Variants in DYNC2H1 observed in about 807,000 individuals in gnomAD.
The protein encoded by DYNC2H1 is cytoplasmic dynein 2 heavy chain 1.
DYNC2H1 carries 410 observed loss-of-function variants against 570.0 expected under a neutral mutation model. That is an observed-to-expected ratio of 0.72 (90% CI 0.66 to 0.78). DYNC2H1 has a LOEUF of 0.78. Among genes scored for constraint, DYNC2H1 ranks in the 30% least tolerant of loss-of-function variants. The pLI is 0.00. For synonymous variants in DYNC2H1, 1,688 were observed against 1,677.6 expected (o/e 1.01, Z -0.15); for missense variants, 4,865 against 5,046.4 (o/e 0.96, Z 1.09).
At position 103,168,738 on chromosome 11, in the gene DYNC2H1, T is replaced by G. The variant is rs1370531639; in HGVS notation, c.4763-17T>G. 1 of 1,609,050 alleles carries G rather than the reference T, an allele frequency of 6.2e-7. No homozygotes were observed. Among genetic ancestry groups the G allele is most frequent in the Non-Finnish European group, 8.5e-7 (1 of 1,177,678 alleles). On this transcript the variant is annotated splice_polypyrimidine_tract_variant and intron_variant, in intron 31 of 88. Coordinates refer to ENST00000375735, the MANE Select transcript of DYNC2H1 (RefSeq NM_001377.3). Reference sequence around the variant, plus strand: ...CTAACATTTTCTCCAATTGTCAATATTTTTATTTCTGCCTAGAATCGGGCA... The same window carrying G: ...CTAACATTTTCTCCAATTGTCAATAGTTTTATTTCTGCCTAGAATCGGGCA...
chr11:103,430,895 C>T (rs1455426369), intron 84 of DYNC2H1, among the ~76,000 whole-genome samples: 1 of 152,092 alleles, frequency 6.6e-6, no homozygotes, highest in Admixed American at 6.6e-5. Context: ...CAGTGCTTAT[C>T]GCTATTAGGG....
chr11:103,178,831 A>G (rs1861731804), intron 38 of DYNC2H1, among the ~76,000 whole-genome samples, 195 bp from the exon 39 acceptor site: 1 of 152,050 alleles, frequency 6.6e-6, no homozygotes. Flanking sequence ...CCTATTTTGT[A>G]TGTTTATAGA....
At chr11:103,382,483 A>G (rs936946252) in intron 83 of DYNC2H1, among the ~76,000 whole-genome samples, 2 of 152,230 alleles carry the variant, frequency 1.3e-5, no homozygotes, top group African/African-American at 2.4e-5. Flanking sequence ...AACTAAAAAT[A>G]TCTTTAAAAT....
chr11:103,148,010 G>T (rs1469403168), intron 19 of DYNC2H1, 123 bp downstream of exon 19: 1 of 681,682 alleles, frequency 1.5e-6, no homozygotes, highest in African/African-American at 1.8e-5. Context: ...TTTAAAAAAA[G>T]CAGGAAAAGT....
In DYNC2H1 at chr11:103,338,141, C is replaced by T. The variant is rs575532907; in HGVS notation, c.12039+14151C>T. ...TTTGTAGACGACACTGTTCTTTCCT[C>T]AATGTTTGTTCTTGGCACTTATTGA... is the stretch of plus-strand genomic sequence containing the variant. On this transcript the variant is annotated intron_variant, in intron 82 of 88. Transcript: ENST00000375735. Among the ~76,000 whole-genome samples, 5 of 151,336 alleles carry T rather than the reference C, an allele frequency of 3.3e-5. No homozygotes were observed. The East Asian group carries it at 9.7e-4, about 29-fold the overall frequency.
intron 83 of DYNC2H1, among the ~76,000 whole-genome samples, chr11:103,365,414 G>T (rs1052006013): frequency 2.0e-5 from 3 of 151,962 alleles, no homozygotes; most frequent in Non-Finnish European, 2.9e-5. Flanking sequence ...GTAATAGAAG[G>T]TTGCTGGAGA....
At chr11:103,455,599 T>G (rs943452154) in intron 86 of DYNC2H1, among the ~76,000 whole-genome samples, 55 of 152,310 alleles carry the variant, frequency 3.6e-4, no homozygotes, top group African/African-American at 1.2e-3. Context: ...CCTATGTAAA[T>G]GAATTAAAGT....
chr11:103,253,157 C>T, intron 65 of DYNC2H1, 128 bp from the exon 66 acceptor site: 4 of 882,762 alleles, frequency 4.5e-6, no homozygotes, highest in Non-Finnish European at 6.5e-6. Flanking sequence ...TCAGGTAACC[C>T]AACTTTTGCC....
At chr11:103,335,146 A>G (rs17100404) in intron 82 of DYNC2H1, among the ~76,000 whole-genome samples, 39,372 of 151,980 alleles carry the variant, frequency 0.26, 5,343 homozygotes, top group Admixed American at 0.34. Context: ...GCATCCAATA[A>G]TGCATTTTAA....
At chr11:103,187,875 G>A (rs1190455057) in intron 43 of DYNC2H1, among the ~76,000 whole-genome samples, 1 of 151,990 alleles carries the variant, frequency 6.6e-6, no homozygotes, top group Non-Finnish European at 1.5e-5. Context: ...ACAAAAGCTG[G>A]ACATGGTGGT....
intron 65 of DYNC2H1, among the ~76,000 whole-genome samples, chr11:103,250,473 G>A (rs1490701285): frequency 6.6e-6 from 1 of 152,104 alleles, no homozygotes; most frequent in Non-Finnish European, 1.5e-5. Flanking sequence ...TAGTATCCAA[G>A]AGGAAGTTTT....
At chr11:103,193,322 A>G (rs1262563388) in intron 47 of DYNC2H1, among the ~76,000 whole-genome samples, 1 of 152,150 alleles carries the variant, frequency 6.6e-6, no homozygotes, top group Non-Finnish European at 1.5e-5. Context: ...AAATGGTGCT[A>G]TCTTTCTCAG....
chr11:103,165,865 C>T, intron 30 of DYNC2H1, 33 bp from the exon 31 acceptor site: 1 of 1,406,966 alleles, frequency 7.1e-7, no homozygotes. Flanking sequence ...GTAAATTCAC[C>T]TTTTAAAAAT....
At chr11:103,270,282 T>TGG (rs1865654588) in intron 70 of DYNC2H1, among the ~76,000 whole-genome samples, 1 of 151,578 alleles carries the variant, frequency 6.6e-6, no homozygotes. Context: ...CTCTTATCTA[T>TGG]GGGGGATACA....
chr11:103,210,579 T>C (rs1863117083), intron 53 of DYNC2H1, among the ~76,000 whole-genome samples: 1 of 152,066 alleles, frequency 6.6e-6, no homozygotes, highest in Non-Finnish European at 1.5e-5. Context: ...TAAACATAAA[T>C]TTCTGATATA....
chr11:103,203,536 A>C lies in DYNC2H1; in HGVS notation c.8198-127A>C. 1 of 612,734 alleles carries C rather than the reference A, an allele frequency of 1.6e-6. No individual in the cohort carries two copies. Among genetic ancestry groups the C allele is most frequent in the Non-Finnish European group, 2.8e-6 (1 of 363,306 alleles). 38.0% of individuals were successfully genotyped at this position (612,734 alleles called of 1,614,324 possible). A position where few individuals can be genotyped will look rare whatever the true frequency, so the allele number is the denominator to read the frequency against. On this transcript the variant is annotated intron_variant, in intron 50 of 88. Transcript: ENST00000375735. The surrounding 1 kb of genome is among the most constrained non-coding windows in gnomAD (Gnocchi z 4.7). ...GGCTATAGATAAAGATTTGTGAGTC[A>C]AGTAGAGGTAATAAAGTTTGTATAT...
In DYNC2H1 at chr11:103,163,115, G is replaced by A. The variant is rs772584614; in HGVS notation, c.4579G>A (p.Gly1527Ser). ...TGTTACTACTGGGCGAAGTTCTCAA[G>A]GTGCAGTTGACCCATCTCTGTTCCC... Reference protein sequence around the residue: ...ECVTTGRSSQGAVDPSLFPSQ... With the variant: ...ECVTTGRSSQSAVDPSLFPSQ... Residue 1527 changes from glycine to serine, a missense_variant, in exon 30 of 89, where the codon GGT (glycine) becomes AGT (serine). Around this residue, in one of 5 missense-constraint regions of DYNC2H1, gnomAD observed 1,936 missense variants for 1,962.1 expected, o/e 0.99. Transcript: ENST00000375735. This position sits in a 1 kb window ranked among gnomAD's most constrained non-coding sequence, Gnocchi z 4.6. 1.9e-6 allele frequency: 3 copies of A among 1,612,858 alleles called. No homozygotes were observed. The African/African-American group carries it at 4.0e-5, about 22-fold the overall frequency.
chr11:103,169,196 A>G (rs1861465325), intron 32 of DYNC2H1, among the ~76,000 whole-genome samples: 1 of 152,116 alleles, frequency 6.6e-6, no homozygotes, highest in South Asian at 2.1e-4. Flanking sequence ...TCAAAAATGT[A>G]CCTTTTCTTG....
At chr11:103,476,763 GAGAC>G (rs1945563249) in intron 88 of DYNC2H1, among the ~76,000 whole-genome samples, 1 of 151,828 alleles carries the variant, frequency 6.6e-6, no homozygotes, top group Non-Finnish European at 1.5e-5. Flanking sequence ...CGGAGGGAGA[GAGAC>G]AGAGAGAGGA....
Sources: gnomAD v4.1 joint callset for allele counts (sites outside exome capture counted in the v4.1 genomes callset) on GRCh38, gnomAD v4.1.1 for gene constraint, gnomAD v4.1.1 regional missense constraint, Gnocchi (gnomAD v3.1) non-coding constraint, MANE v1.5 for transcripts, NCBI Gene and HGNC (gene_info 2026-07-23, HGNC 2026-07-21) for gene names.